Variants in WDTC1 observed in about 807,000 individuals in gnomAD.
WDTC1 encodes WD and tetratricopeptide repeats protein 1.
WDTC1 carries 12 observed loss-of-function variants against 76.0 expected under a neutral mutation model. That is an observed-to-expected ratio of 0.16 (90% CI 0.10 to 0.26). The LOEUF is 0.26. Ranked by LOEUF, WDTC1 falls within the 10% of genes least tolerant of loss-of-function variation. The pLI is 1.00. For missense variants in WDTC1, 511 were observed against 908.8 expected (o/e 0.56, Z 5.63); for synonymous variants, 326 against 350.8 (o/e 0.93, Z 0.79).
chr1:27,270,793 A>G (rs1557491860), intron 3 of WDTC1, among the ~76,000 whole-genome samples: 1 of 152,196 alleles, frequency 6.6e-6, no homozygotes, highest in Non-Finnish European at 1.5e-5. Flanking sequence ...AGATGTTGCC[A>G]AATTCTTCAC....
At chr1:27,260,348 GC>G (rs1392497759) in intron 1 of WDTC1, among the ~76,000 whole-genome samples, 1 of 152,106 alleles carries the variant, frequency 6.6e-6, no homozygotes, top group African/African-American at 2.4e-5. Flanking sequence ...CTTGTGATCC[GC>G]CCACCTCGGC....
chr1:27,275,652 G>A lies in WDTC1; in HGVS notation c.133-6587G>A, dbSNP rs528158633. Among the ~76,000 whole-genome samples, 13 of 151,970 alleles carry A rather than the reference G, an allele frequency of 8.6e-5. No homozygotes were observed. The East Asian group carries it at 1.2e-3, about 14-fold the overall frequency. ...AAAAAAATAAAGAAAAAGATGGAGCGGGGATCTGACTTTGTGAGAGATTTC... is the reference window on the plus strand; with the variant it reads ...AAAAAAATAAAGAAAAAGATGGAGCAGGGATCTGACTTTGTGAGAGATTTC... On this transcript the variant is annotated intron_variant, in intron 3 of 15. Transcript: ENST00000319394.
intron 6 of WDTC1, among the ~76,000 whole-genome samples, chr1:27,289,058 G>T (rs1277057793): frequency 6.8e-6 from 1 of 147,120 alleles, no homozygotes; most frequent in Non-Finnish European, 1.5e-5. Flanking sequence ...CCTCCCGGAC[G>T]GGGCGGCTGG....
chr1:27,287,613 C>G (rs1227332829), intron 5 of WDTC1, 61 bp from the exon 6 acceptor site: 96 of 1,521,252 alleles, frequency 6.3e-5, no homozygotes, highest in Non-Finnish European at 7.0e-5. Flanking sequence ...TCCAGGCTAG[C>G]CTCCTTCCGT....
chr1:27,303,969 C>A lies in WDTC1; in HGVS notation c.1643+174C>A. The A allele has an allele frequency of 1.3e-6, 1 of 791,400 alleles. No individual in the cohort carries two copies. Among genetic ancestry groups the A allele is most frequent in the Non-Finnish European group, 2.0e-6 (1 of 510,054 alleles). 49.0% of individuals were successfully genotyped at this position (791,400 alleles called of 1,614,324 possible). A position where few individuals can be genotyped will look rare whatever the true frequency, so the allele number is the denominator to read the frequency against. On this transcript the variant is annotated intron_variant, in intron 14 of 15. Transcript: ENST00000319394. The surrounding 1 kb of genome is among the most constrained non-coding windows in gnomAD (Gnocchi z 4.8). Reference sequence around the variant, plus strand: ...TAAAGTTTTTTAATCTATGAAATGACCAACCTGCCATGCCCATTTATGAGG... The same window carrying A: ...TAAAGTTTTTTAATCTATGAAATGAACAACCTGCCATGCCCATTTATGAGG...
Position 27,234,784 on chromosome 1 carries a change from C to G in WDTC1, c.-267C>G. On this transcript the variant is annotated 5_prime_UTR_variant, in exon 1 of 16. Transcript: ENST00000319394. ...GGGCGGGCGGAGGCGCTGTCCGGCC[C>G]CGGCCAGGCGCCGGGCGGGGAGCAT... 1 of 397,966 alleles carries G rather than the reference C, an allele frequency of 2.5e-6. No homozygotes were observed. Among genetic ancestry groups the G allele is most frequent in the African/African-American group, 2.1e-5 (1 of 48,478 alleles). The allele number at this position is 397,966 out of a possible 1,614,324, so 24.7% of individuals were successfully genotyped here.
intron 3 of WDTC1, among the ~76,000 whole-genome samples, chr1:27,268,383 T>A (rs1009787972): frequency 7.0e-5 from 10 of 142,446 alleles, no homozygotes; most frequent in Admixed American, 2.3e-4. Context: ...TTTTTTTTAA[T>A]TTAATTTTTT....
At position 27,303,901 on chromosome 1, in the gene WDTC1, G is replaced by A; in HGVS notation, c.1643+106G>A. The A allele has an allele frequency of 4.1e-6, 6 of 1,473,292 alleles. No homozygotes were observed. The highest frequency in any genetic ancestry group is 5.5e-6 in the Non-Finnish European group (6 of 1,081,244). 91.3% of individuals were successfully genotyped at this position (1,473,292 alleles called of 1,614,324 possible). A position where few individuals can be genotyped will look rare whatever the true frequency, so the allele number is the denominator to read the frequency against. ...GAGAAGAATCTCAAATCCCTGCTCT[G>A]CCTCTGTACCCTTGGGCAAATGGCT... is the stretch of plus-strand genomic sequence containing the variant. On this transcript the variant is annotated intron_variant, in intron 14 of 15. Coordinates refer to ENST00000319394, the MANE Select transcript of WDTC1 (RefSeq NM_001276252.2). This position sits in a 1 kb window ranked among gnomAD's most constrained non-coding sequence, Gnocchi z 4.8.
At chr1:27,267,058 G>A (rs773165545) in intron 3 of WDTC1, among the ~76,000 whole-genome samples, 13 of 152,140 alleles carry the variant, frequency 8.5e-5, no homozygotes, top group African/African-American at 1.2e-4. Context: ...TCAACCATGC[G>A]ATTTCTGTAG....
Position 27,292,249 on chromosome 1 carries a change from G to A in WDTC1, c.514G>A (p.Glu172Lys). ...YDLRENSKHS[E>K]VLIDLTEYCG... ...CCTTCGAGAGAACAGCAAACACTCG[G>A]AGGTGCTGATTGACCTGACAGAGTA... Residue 172 changes from glutamate to lysine, a missense_variant, in exon 7 of 16, where the codon GAG (glutamate) becomes AAG (lysine). By Grantham distance (56) the Glu-to-Lys change is moderately conservative (BLOSUM62 1). Coordinates refer to ENST00000319394, the MANE Select transcript of WDTC1 (RefSeq NM_001276252.2). 6.2e-7 allele frequency: 1 copy of A among 1,607,760 alleles called. No individual in the cohort carries two copies. The highest frequency in any genetic ancestry group is 8.5e-7 in the Non-Finnish European group (1 of 1,176,972).
At chr1:27,253,654 A>G (rs1209415826) in intron 1 of WDTC1, among the ~76,000 whole-genome samples, 10 of 151,806 alleles carry the variant, frequency 6.6e-5, no homozygotes, top group Middle Eastern at 6.8e-3. Flanking sequence ...GGCATCTGCT[A>G]TATTTTCAAA....
At chr1:27,273,460 A>G (rs1235673784) in intron 3 of WDTC1, among the ~76,000 whole-genome samples, 1 of 152,056 alleles carries the variant, frequency 6.6e-6, no homozygotes, top group African/African-American at 2.4e-5. Context: ...TGCCTGCCTC[A>G]GCCTCCCAAA....
chr1:27,252,067 C>T (rs1241536279), intron 1 of WDTC1, among the ~76,000 whole-genome samples: 2 of 151,234 alleles, frequency 1.3e-5, no homozygotes, highest in African/African-American at 2.4e-5. Flanking sequence ...AAAAACCTAC[C>T]AGGTGTGGTG....
chr1:27,283,209 C>A lies in WDTC1; in HGVS notation c.180-129C>A, dbSNP rs1033097591. The A allele has an allele frequency of 5.5e-6, 4 of 731,468 alleles. No individual in the cohort carries two copies. The Middle Eastern group carries it at 7.3e-4, about 134-fold the overall frequency. The allele number at this position is 731,468 out of a possible 1,614,324, so 45.3% of individuals were successfully genotyped here. On this transcript the variant is annotated intron_variant, in intron 4 of 15. Coordinates refer to ENST00000319394, the MANE Select transcript of WDTC1 (RefSeq NM_001276252.2). ...AGAGAATCAGCTGTTTACAAGGCAA[C>A]CTTAAATTCTGTGACATTTACTGTT...
chr1:27,279,152 A>T (rs542276506), intron 3 of WDTC1, among the ~76,000 whole-genome samples: 1 of 152,310 alleles, frequency 6.6e-6, no homozygotes, highest in South Asian at 2.1e-4. Flanking sequence ...TTTCTCTCTT[A>T]CCCTACTAGA....
At chr1:27,277,761 T>C (rs532832853) in intron 3 of WDTC1, among the ~76,000 whole-genome samples, 1 of 152,326 alleles carries the variant, frequency 6.6e-6, no homozygotes, top group Non-Finnish European at 1.5e-5. Context: ...AGTATGAGTC[T>C]TTCAACTTTG....
At chr1:27,262,685 A>C (rs1184632840) in intron 2 of WDTC1, among the ~76,000 whole-genome samples, 5 of 152,250 alleles carry the variant, frequency 3.3e-5, no homozygotes, top group African/African-American at 1.2e-4. Flanking sequence ...CACCATGCCC[A>C]GCCCCTGAAT....
At chr1:27,240,986 A>AAC (rs1195044961) in intron 1 of WDTC1, among the ~76,000 whole-genome samples, 1 of 151,524 alleles carries the variant, frequency 6.6e-6, no homozygotes, top group Non-Finnish European at 1.5e-5. Flanking sequence ...AAAAAAAAAC[A>AAC]AAAAAACTTT....
rs765510058 is a variant in WDTC1, at chr1:27,306,326, C to T, written c.1977C>T (p.Ala659=). 9 of 1,613,786 alleles carry T rather than the reference C, an allele frequency of 5.6e-6. No individual in the cohort carries two copies. The highest frequency in any genetic ancestry group is 4.4e-5 in the South Asian group (4 of 91,080). The change falls in exon 16 of 16, where the codon GCC becomes GCT. Residue 659 remains alanine, a synonymous_variant. Coordinates refer to ENST00000319394, the MANE Select transcript of WDTC1 (RefSeq NM_001276252.2). The surrounding 1 kb of genome is among the most constrained non-coding windows in gnomAD (Gnocchi z 5.0). ...YRITGLSSGG[A]GASDDEDSSE... Reference sequence around the variant, plus strand: ...TCACGGGCCTGAGCAGTGGGGGTGCCGGGGCCTCTGATGATGAGGACAGCT... The same window carrying T: ...TCACGGGCCTGAGCAGTGGGGGTGCTGGGGCCTCTGATGATGAGGACAGCT...
Sources: gnomAD v4.1 joint callset for allele counts (sites outside exome capture counted in the v4.1 genomes callset) on GRCh38, gnomAD v4.1.1 for gene constraint, Gnocchi (gnomAD v3.1) non-coding constraint, MANE v1.5 for transcripts, NCBI Gene and HGNC (gene_info 2026-07-23, HGNC 2026-07-21) for gene names.